The following MED27 variants were observed in gnomAD, a reference collection of about 807,000 sequenced individuals.
The protein encoded by MED27 is mediator of RNA polymerase II transcription subunit 27.
MED27 carries 30 observed loss-of-function variants against 38.2 expected under a neutral mutation model. The ratio of observed to expected loss-of-function variants is 0.79; its 90% CI spans 0.59 to 1.07. The LOEUF is 1.07. MED27 is among the 50% of genes least tolerant of loss of function. The probability of loss-of-function intolerance (pLI) is 0.00; values close to 1 mark genes in which losing one functional copy is unlikely to be tolerated. For synonymous variants in MED27, 122 were observed against 153.5 expected (o/e 0.79, Z 1.52); for missense variants, 289 against 397.5 (o/e 0.73, Z 2.32).
Position 132,003,969 on chromosome 9 carries a change from T to TACAC in MED27, c.479+10364_479+10367dup, listed in dbSNP as rs112590668. ...TACATAAAGGCTTTCAGAGTGAACA[T>TACAC]ACACACACACACATACACAGAAATT... is the stretch of plus-strand genomic sequence containing the variant. On this transcript the variant is annotated intron_variant, in intron 3 of 7. Coordinates refer to ENST00000292035, the MANE Select transcript of MED27 (RefSeq NM_004269.4). This position sits in a 1 kb window ranked among gnomAD's most constrained non-coding sequence, Gnocchi z 4.2. Among the ~76,000 whole-genome samples the TACAC allele has an allele frequency of 5.3e-5, 8 of 151,856 alleles. 1 individual carries two copies. The South Asian group carries it at 6.2e-4, about 12-fold the overall frequency.
At chr9:131,933,020 C>T (rs984126594) in intron 4 of MED27, among the ~76,000 whole-genome samples, 3 of 151,916 alleles carry the variant, frequency 2.0e-5, no homozygotes, top group Admixed American at 1.3e-4. Context: ...AAAAACCATG[C>T]GATCATTTCA....
At chr9:132,030,614 C>T (rs376797765) in intron 2 of MED27, among the ~76,000 whole-genome samples, 361 of 152,320 alleles carry the variant, frequency 2.4e-3, no homozygotes, top group African/African-American at 8.2e-3. Flanking sequence ...TGTCTGCACA[C>T]ATTTCTTAGA....
chr9:131,870,221 A>G (rs527672828), intron 6 of MED27, among the ~76,000 whole-genome samples: 1 of 152,288 alleles, frequency 6.6e-6, no homozygotes, highest in East Asian at 1.9e-4. Flanking sequence ...CTGAGCACTA[A>G]TCCTGTGCAA....
intron 6 of MED27, among the ~76,000 whole-genome samples, chr9:131,876,676 T>C (rs767821144): frequency 5.3e-5 from 8 of 152,124 alleles, no homozygotes; most frequent in Non-Finnish European, 1.0e-4. Flanking sequence ...ACAGTCCAGC[T>C]GTCAGCTGAG....
chr9:131,924,020 C>T (rs1358417292), intron 4 of MED27, among the ~76,000 whole-genome samples: 1 of 152,194 alleles, frequency 6.6e-6, no homozygotes, highest in Admixed American at 6.5e-5. Flanking sequence ...TATTCAATCA[C>T]ACGCCTCTGC....
At chr9:131,900,989 A>G (rs1319644908) in intron 4 of MED27, among the ~76,000 whole-genome samples, 1 of 142,964 alleles carries the variant, frequency 7.0e-6, no homozygotes, top group African/African-American at 2.6e-5. Context: ...GAGAGAGGAG[A>G]GAGACACAGA....
At chr9:131,942,399 A>T (rs1489723354) in intron 3 of MED27, among the ~76,000 whole-genome samples, 1 of 152,242 alleles carries the variant, frequency 6.6e-6, no homozygotes. Context: ...ACATTTCTGC[A>T]TGTATATACT....
At chr9:131,972,066 A>C (rs1489125710) in intron 3 of MED27, among the ~76,000 whole-genome samples, 1 of 152,202 alleles carries the variant, frequency 6.6e-6, no homozygotes, top group Non-Finnish European at 1.5e-5. Flanking sequence ...GCCTCCCTCT[A>C]TCCCTCTTAA....
intron 3 of MED27, among the ~76,000 whole-genome samples, chr9:131,942,181 G>A (rs746531072): frequency 1.4e-4 from 21 of 152,066 alleles, no homozygotes; most frequent in Non-Finnish European, 2.4e-4. Context: ...TAAGACACAG[G>A]TTGACCACAC....
At chr9:132,009,694 C>T (rs904025432) in intron 3 of MED27, among the ~76,000 whole-genome samples, 2 of 151,846 alleles carry the variant, frequency 1.3e-5, no homozygotes, top group Admixed American at 6.5e-5. Context: ...ACCACCCAAA[C>T]GAGCCACTCC....
At chr9:132,075,154 T>C (rs1048755291) in intron 2 of MED27, among the ~76,000 whole-genome samples, 3 of 152,200 alleles carry the variant, frequency 2.0e-5, no homozygotes, top group East Asian at 3.8e-4. Context: ...GGGAAAAAAA[T>C]TGTTTTCTAC....
At chr9:131,870,401 G>A (rs891827987) in intron 6 of MED27, among the ~76,000 whole-genome samples, 21 of 152,166 alleles carry the variant, frequency 1.4e-4, no homozygotes, top group African/African-American at 4.6e-4. Context: ...GCAAGCGCCC[G>A]CCAAATGTGT....
At chr9:131,894,390 A>G (rs1374939920) in intron 4 of MED27, among the ~76,000 whole-genome samples, 1 of 152,130 alleles carries the variant, frequency 6.6e-6, no homozygotes, top group Non-Finnish European at 1.5e-5. Context: ...TCATGGCCCT[A>G]TGTATACCTA....
At chr9:131,915,673 C>CGGAG (rs1471673820) in intron 4 of MED27, among the ~76,000 whole-genome samples, 1 of 152,216 alleles carries the variant, frequency 6.6e-6, no homozygotes, top group Admixed American at 6.5e-5. Flanking sequence ...AAACCACTGT[C>CGGAG]CTCCCACTCC....
chr9:131,939,344 C>T, intron 4 of MED27, 37 bp downstream of exon 4: 2 of 1,440,592 alleles, frequency 1.4e-6, no homozygotes, highest in Non-Finnish European at 1.9e-6. Flanking sequence ...CCATTTTTTC[C>T]CCCAACATCC....
intron 3 of MED27, among the ~76,000 whole-genome samples, chr9:132,009,343 T>C (rs1407973609): frequency 6.6e-6 from 1 of 152,202 alleles, no homozygotes; most frequent in Non-Finnish European, 1.5e-5. Context: ...AGGGAGAGCC[T>C]CATCCCCTCC....
intron 6 of MED27, among the ~76,000 whole-genome samples, chr9:131,865,085 A>C (rs183814275): frequency 2.1e-3 from 325 of 152,198 alleles, no homozygotes; most frequent in African/African-American, 7.6e-3. Context: ...AAACTTAAAA[A>C]CGCCCACCCA....
chr9:131,978,108 A>T (rs910526553), intron 3 of MED27, among the ~76,000 whole-genome samples: 5 of 152,190 alleles, frequency 3.3e-5, no homozygotes, highest in Non-Finnish European at 7.3e-5. Flanking sequence ...ATCAAACATG[A>T]CTCTGATCAA....
intron 3 of MED27, among the ~76,000 whole-genome samples, chr9:131,999,538 C>G (rs1042205136): frequency 6.6e-6 from 1 of 152,122 alleles, no homozygotes; most frequent in African/African-American, 2.4e-5. Flanking sequence ...TGCTGGTCCC[C>G]AAGGTACATT....
Sources: gnomAD v4.1 joint callset for allele counts (sites outside exome capture counted in the v4.1 genomes callset) on GRCh38, gnomAD v4.1.1 for gene constraint, Gnocchi (gnomAD v3.1) non-coding constraint, MANE v1.5 for transcripts, NCBI Gene and HGNC (gene_info 2026-07-23, HGNC 2026-07-21) for gene names.